Variants in ZNF385D observed in about 807,000 individuals in gnomAD.
ZNF385D encodes zinc finger protein 385D.
A neutral mutation model predicts 35.8 loss-of-function variants in ZNF385D; 15 were observed. The observed-to-expected ratio is 0.42, with a 90% CI of 0.28 to 0.64. The LOEUF (loss-of-function observed/expected upper bound fraction) is 0.64, where lower values mean the gene tolerates loss of function less well. ZNF385D is among the 30% of genes least tolerant of loss of function. The probability of loss-of-function intolerance (pLI) is 0.23; values close to 1 mark genes in which losing one functional copy is unlikely to be tolerated. For missense variants in ZNF385D, 474 were observed against 494.6 expected (o/e 0.96, Z 0.39); for synonymous variants, 212 against 186.8 (o/e 1.13, Z -1.10).
intron 3 of ZNF385D, among the ~76,000 whole-genome samples, chr3:21,843,603 G>A (rs1019288320): frequency 6.6e-6 from 1 of 151,892 alleles, no homozygotes; most frequent in Non-Finnish European, 1.5e-5. Context: ...AAATATAGAG[G>A]ATACTGTACT....
chr3:22,196,330 CT>C (rs1696410827), intron 2 of ZNF385D, among the ~76,000 whole-genome samples: 1 of 151,010 alleles, frequency 6.6e-6, no homozygotes, highest in Non-Finnish European at 1.5e-5. Context: ...CATTCTTTTA[CT>C]TCATATCTTA....
At chr3:22,322,020 CT>C (rs1694460196) in intron 2 of ZNF385D, among the ~76,000 whole-genome samples, 1 of 152,086 alleles carries the variant, frequency 6.6e-6, no homozygotes. Context: ...AATTCCCTGC[CT>C]TTACCCAATT....
At chr3:21,555,609 A>G (rs886740224) in intron 3 of ZNF385D, among the ~76,000 whole-genome samples, 4 of 152,100 alleles carry the variant, frequency 2.6e-5, no homozygotes, top group Non-Finnish European at 5.9e-5. Flanking sequence ...TAACCAGTCT[A>G]TCACTGATGG....
At chr3:22,140,712 CAATAAAAA>C (rs1704452805) in intron 3 of ZNF385D, among the ~76,000 whole-genome samples, 1 of 152,010 alleles carries the variant, frequency 6.6e-6, no homozygotes, top group Admixed American at 6.6e-5. Context: ...GAAATTATTT[CAATAAAAA>C]GCTAAAATGC....
At chr3:21,927,214 A>C (rs1178408691) in intron 3 of ZNF385D, among the ~76,000 whole-genome samples, 1 of 152,152 alleles carries the variant, frequency 6.6e-6, no homozygotes, top group African/African-American at 2.4e-5. Context: ...CCTCACCAGA[A>C]GCAAGTGTTG....
chr3:21,802,554 TA>T (rs5847139), intron 3 of ZNF385D, among the ~76,000 whole-genome samples: 28 of 151,450 alleles, frequency 1.8e-4, no homozygotes, highest in South Asian at 4.2e-4. Flanking sequence ...TACATTGATT[TA>T]AAAAAAAATA....
At chr3:21,699,839 T>C (rs1161447344) in intron 1 of ZNF385D, among the ~76,000 whole-genome samples, 1 of 142,774 alleles carries the variant, frequency 7.0e-6, no homozygotes, top group Non-Finnish European at 1.5e-5. Context: ...TTTTTTTTTT[T>C]TTTTTTTTTG....
intron 2 of ZNF385D, among the ~76,000 whole-genome samples, chr3:22,170,767 C>CA (rs1448808971): frequency 6.6e-6 from 1 of 152,038 alleles, no homozygotes; most frequent in Non-Finnish European, 1.5e-5. Context: ...CAGAACATTT[C>CA]AAAACTTCTT....
chr3:21,767,036 A>G (rs767576497), intron 3 of ZNF385D, among the ~76,000 whole-genome samples: 1 of 152,086 alleles, frequency 6.6e-6, no homozygotes, highest in African/African-American at 2.4e-5. Context: ...CATTCATGAA[A>G]AGTGGTTAAA....
chr3:21,496,859 T>C (rs1036780913), intron 4 of ZNF385D, among the ~76,000 whole-genome samples: 2 of 152,004 alleles, frequency 1.3e-5, no homozygotes, highest in African/African-American at 2.4e-5. Context: ...TCGCATCTTA[T>C]AAAAAACTCT....
At chr3:21,531,418 G>A (rs2061919589) in intron 3 of ZNF385D, among the ~76,000 whole-genome samples, 2 of 152,146 alleles carry the variant, frequency 1.3e-5, no homozygotes, top group Non-Finnish European at 2.9e-5. Flanking sequence ...TTTACTCAAC[G>A]AGGTACAAAC....
chr3:22,115,665 T>C (rs1032163253), intron 3 of ZNF385D, among the ~76,000 whole-genome samples: 5 of 152,036 alleles, frequency 3.3e-5, no homozygotes, highest in Non-Finnish European at 4.4e-5. Flanking sequence ...GTAAACCATA[T>C]TGAGAAGTTT....
At chr3:21,548,972 TACAAA>T (rs895377631) in intron 3 of ZNF385D, among the ~76,000 whole-genome samples, 4 of 152,192 alleles carry the variant, frequency 2.6e-5, no homozygotes, top group African/African-American at 9.7e-5. Flanking sequence ...TTATATCAAA[TACAAA>T]ACAATTTATG....
chr3:21,691,078 G>T (rs928969243), intron 1 of ZNF385D, among the ~76,000 whole-genome samples: 10 of 151,924 alleles, frequency 6.6e-5, no homozygotes. Flanking sequence ...TTCCGCTCTA[G>T]CCTGGACCAC....
Position 22,115,342 on chromosome 3 carries a change from A to G in ZNF385D, c.325+53475T>C, listed in dbSNP as rs189705353. On this transcript the variant is annotated intron_variant, in intron 3 of 5. Transcript: ENST00000494108. The stretch of plus-strand genomic sequence containing the variant: ...GGGTAAACTTTGGAAATCAATGATT[A>G]TAATACAATAGGGAATGACCAAAAT... 2.0e-5 allele frequency among the ~76,000 whole-genome samples: 3 copies of G among 152,262 alleles called. No homozygotes were observed. In the East Asian group the frequency reaches 5.8e-4, roughly 29 times the overall value.
At chr3:21,968,566 A>G (rs1576035308) in intron 3 of ZNF385D, among the ~76,000 whole-genome samples, 1 of 151,984 alleles carries the variant, frequency 6.6e-6, no homozygotes, top group Admixed American at 6.5e-5. Context: ...CATCTTGAAT[A>G]CCCGTTTCAG....
intron 2 of ZNF385D, among the ~76,000 whole-genome samples, chr3:22,338,677 G>T (rs1467828371): frequency 6.6e-6 from 1 of 150,416 alleles, no homozygotes; most frequent in Admixed American, 6.6e-5. Flanking sequence ...AAGTTAATGT[G>T]CAGCAAAACA....
At chr3:22,304,829 C>T (rs1046388182) in intron 2 of ZNF385D, among the ~76,000 whole-genome samples, 10 of 152,116 alleles carry the variant, frequency 6.6e-5, no homozygotes, top group Non-Finnish European at 1.0e-4. Context: ...TACTTGCTTT[C>T]CCCTATTTCA....
intron 2 of ZNF385D, among the ~76,000 whole-genome samples, chr3:22,342,276 CAAAAAAAAAAAAA>C (rs766689054): frequency 1.9e-5 from 1 of 53,508 alleles, no homozygotes; most frequent in Non-Finnish European, 3.8e-5. Flanking sequence ...GACTCCGCCT[CAAAAAAAAAAAAA>C]AAAAAAAAAA....
Sources: gnomAD v4.1 joint callset for allele counts (sites outside exome capture counted in the v4.1 genomes callset) on GRCh38, gnomAD v4.1.1 for gene constraint, MANE v1.5 for transcripts, NCBI Gene and HGNC (gene_info 2026-07-23, HGNC 2026-07-21) for gene names.